CPPED1: variants seen among roughly 807,000 people sequenced by gnomAD.
The protein encoded by CPPED1 is serine/threonine-protein phosphatase CPPED1.
CPPED1 carries 28 observed loss-of-function variants against 28.0 expected under a neutral mutation model. The ratio of observed to expected loss-of-function variants is 1.00; its 90% CI spans 0.74 to 1.37. The LOEUF (loss-of-function observed/expected upper bound fraction) is 1.37. Among genes scored for constraint, CPPED1 ranks in the 40% most tolerant of loss-of-function variants. The probability of loss-of-function intolerance (pLI) is 0.00; values close to 1 mark genes in which losing one functional copy is unlikely to be tolerated. For missense variants in CPPED1, 504 were observed against 416.5 expected, an observed-to-expected ratio of 1.21 and a Z score of -1.83; for synonymous variants, 198 against 180.2, an observed-to-expected ratio of 1.10 and a Z score of -0.79.
intron 2 of CPPED1, among the ~76,000 whole-genome samples, chr16:12,772,374 C>T (rs1019635791): frequency 2.0e-5 from 3 of 152,188 alleles, no homozygotes; most frequent in Non-Finnish European, 2.9e-5. Flanking sequence ...CATTCTTAGA[C>T]GCACTCTACT....
intron 3 of CPPED1, among the ~76,000 whole-genome samples, chr16:12,689,287 T>C (rs1369061863): frequency 6.9e-6 from 1 of 144,338 alleles, no homozygotes; most frequent in Non-Finnish European, 1.5e-5. Flanking sequence ...AGTTCAGTGG[T>C]GCAATCTTGG....
At chr16:12,724,596 T>C (rs2080159617) in intron 2 of CPPED1, among the ~76,000 whole-genome samples, 1 of 152,188 alleles carries the variant, frequency 6.6e-6, no homozygotes, top group Non-Finnish European at 1.5e-5. Flanking sequence ...CCTGGTGCTG[T>C]AGATGGACTT....
Position 12,781,314 on chromosome 16 carries a change from A to G in CPPED1, c.160T>C (p.Cys54Arg), listed in dbSNP as rs2080530054. Residue 54 changes from cysteine to arginine, a missense_variant, in exon 2 of 4, where the codon TGT becomes CGT. Cys to Arg is a radical substitution (Grantham distance 180). Coordinates refer to ENST00000381774, the MANE Select transcript of CPPED1 (RefSeq NM_018340.3). ...GLIKAWSTGD[C>R]DNGGDEWEQE... ...TCCCATTCGTCACCGCCATTGTCAC[A>G]GTCCCCAGTGGACCAGGCCTTGATC... 6.2e-7 allele frequency: 1 copy of G among 1,614,182 alleles called. No homozygotes were observed. The highest frequency in any genetic ancestry group is 8.5e-7 in the Non-Finnish European group (1 of 1,180,034).
In CPPED1 at chr16:12,784,591, T is replaced by C. The variant is rs540012446; in HGVS notation, c.71-3188A>G. On this transcript the variant is annotated intron_variant, in intron 1 of 3. Coordinates refer to ENST00000381774, the MANE Select transcript of CPPED1 (RefSeq NM_018340.3). The stretch of plus-strand genomic sequence containing the variant: ...AAAACTGAGACTCTGCTTTGTGTCT[T>C]TATGTTATTAATCATTTATTTTACT... Among the ~76,000 whole-genome samples the C allele has an allele frequency of 2.6e-5, 4 of 152,328 alleles. No individual in the cohort carries two copies. In the South Asian group the frequency reaches 8.3e-4, roughly 32 times the overall value.
At chr16:12,715,338 T>C (rs1471083318) in intron 2 of CPPED1, among the ~76,000 whole-genome samples, 1 of 152,092 alleles carries the variant, frequency 6.6e-6, no homozygotes, top group Non-Finnish European at 1.5e-5. Flanking sequence ...CAAGGAGAAA[T>C]AAGATCAAGG....
Position 12,685,179 on chromosome 16 carries a change from G to A in CPPED1, c.715+19445C>T, listed in dbSNP as rs530192360. Among the ~76,000 whole-genome samples the A allele has an allele frequency of 7.2e-5, 11 of 152,292 alleles. No individual in the cohort carries two copies. In the South Asian group the frequency reaches 8.3e-4, roughly 11 times the overall value. On this transcript the variant is annotated intron_variant, in intron 3 of 3. Transcript: ENST00000381774. The stretch of plus-strand genomic sequence containing the variant: ...AATAATAGATCCCTCAGCCAGGTGC[G>A]GCGGCTCACGCCTGCAATCCCAGCA...
In CPPED1 at chr16:12,797,484, G is replaced by T. The variant is rs367628934; in HGVS notation, c.70+6223C>A. Among the ~76,000 whole-genome samples the T allele has an allele frequency of 2.6e-5, 4 of 152,014 alleles. No homozygotes were observed. The South Asian group carries it at 6.2e-4, about 24-fold the overall frequency. On this transcript the variant is annotated intron_variant, in intron 1 of 3. Transcript: ENST00000381774. ...GATCGAGCATGGCTTGAGCCCAGGA[G>T]GGGGAGGCTGCAGTGGGCGGAGATC...
intron 2 of CPPED1, among the ~76,000 whole-genome samples, chr16:12,721,545 G>A (rs575536873): frequency 1.3e-5 from 2 of 152,148 alleles, no homozygotes; most frequent in East Asian, 3.9e-4. Flanking sequence ...CTGAGGTCAG[G>A]AGTTCCAGAC....
At chr16:12,763,739 C>G (rs2080423118) in intron 2 of CPPED1, among the ~76,000 whole-genome samples, 1 of 152,214 alleles carries the variant, frequency 6.6e-6, no homozygotes, top group Non-Finnish European at 1.5e-5. Context: ...CAGGCCAGTT[C>G]TCAACTGCTG....
intron 2 of CPPED1, among the ~76,000 whole-genome samples, chr16:12,754,688 C>CA (rs34890606): frequency 0.49 from 74,853 of 151,860 alleles, 18,775 homozygotes; most frequent in Admixed American, 0.57. Context: ...ACAATGGACC[C>CA]AACTGAAAAA....
intron 3 of CPPED1, among the ~76,000 whole-genome samples, chr16:12,687,526 T>C (rs1171048592): frequency 1.3e-5 from 2 of 152,152 alleles, no homozygotes; most frequent in African/African-American, 4.8e-5. Context: ...ATCCCAGCAC[T>C]TTGGGAGGCT....
intron 2 of CPPED1, among the ~76,000 whole-genome samples, chr16:12,732,876 A>T (rs1470120741): frequency 6.6e-6 from 1 of 152,134 alleles, no homozygotes; most frequent in Non-Finnish European, 1.5e-5. Context: ...GGACAATAGG[A>T]TCCATCTAAA....
In CPPED1 at chr16:12,665,128, G is replaced by A. The variant is rs774592133; in HGVS notation, c.716-13C>T. ...ACGACTTTGACACCTGCAGAGAAGG[G>A]AAAAAGTCATTAGGGGGCCGAGGAC... On this transcript the variant is annotated splice_polypyrimidine_tract_variant and intron_variant, in intron 3 of 3. Coordinates refer to ENST00000381774, the MANE Select transcript of CPPED1 (RefSeq NM_018340.3). 7 of 1,586,624 alleles carry A rather than the reference G, an allele frequency of 4.4e-6. No homozygotes were observed. In the Admixed American group the frequency reaches 5.9e-5, roughly 13 times the overall value.
chr16:12,750,816 C>T (rs1457544911), intron 2 of CPPED1, among the ~76,000 whole-genome samples: 1 of 151,882 alleles, frequency 6.6e-6, no homozygotes, highest in East Asian at 1.9e-4. Context: ...ACTAAAAGTA[C>T]AAAAATTAGC....
intron 1 of CPPED1, 77 bp downstream of exon 1, chr16:12,803,629 AC>A: frequency 8.0e-7 from 1 of 1,247,104 alleles, no homozygotes; most frequent in Non-Finnish European, 1.1e-6. Flanking sequence ...GGCGGAGCGC[AC>A]ACCTGAACAA....
rs1330582383 is a variant in CPPED1, at chr16:12,730,278, AG to A, written c.290-25230del. On this transcript the variant is annotated intron_variant, in intron 2 of 3. Transcript: ENST00000381774. ...TGGCCTCCCAAAGTGTTCGGATTAC[AG>A]GTGTAAGCCACTGTGCCAAGCTGCA... Among the ~76,000 whole-genome samples the A allele has an allele frequency of 5.3e-5, 8 of 152,298 alleles. No homozygotes were observed. The East Asian group carries it at 1.5e-3, about 29-fold the overall frequency.
At chr16:12,797,807 C>T (rs1193431933) in intron 1 of CPPED1, among the ~76,000 whole-genome samples, 2 of 151,978 alleles carry the variant, frequency 1.3e-5, no homozygotes, top group African/African-American at 4.8e-5. Flanking sequence ...GCCAGCAGAC[C>T]ATGGGTTGGA....
intron 2 of CPPED1, among the ~76,000 whole-genome samples, chr16:12,749,303 C>T (rs1007130923): frequency 2.0e-5 from 3 of 152,168 alleles, no homozygotes; most frequent in Admixed American, 6.5e-5. Flanking sequence ...CAGCAATGTT[C>T]GCAGCATCTT....
intron 3 of CPPED1, among the ~76,000 whole-genome samples, chr16:12,703,896 T>C (rs1567280874): frequency 6.6e-6 from 1 of 152,036 alleles, no homozygotes; most frequent in Admixed American, 6.6e-5. Flanking sequence ...CCATCAGAAA[T>C]TGAGGTGTGA....
Sources: allele counts gnomAD v4.1 joint callset (sites outside exome capture counted in the v4.1 genomes callset), GRCh38; gene constraint gnomAD v4.1.1; transcripts MANE v1.5; gene names NCBI Gene and HGNC (gene_info 2026-07-23, HGNC 2026-07-21).